ABAT: variants seen among roughly 807,000 people sequenced by gnomAD.
ABAT encodes 4-aminobutyrate aminotransferase.
ABAT carries 45 observed loss-of-function variants against 64.6 expected under a neutral mutation model. The ratio of observed to expected loss-of-function variants is 0.70; its 90% confidence interval spans 0.55 to 0.89. ABAT has a LOEUF of 0.89. ABAT is among the 40% of genes least tolerant of loss of function. ABAT has a pLI of 0.00. For missense variants in ABAT, 633 were observed against 658.4 expected, an observed-to-expected ratio of 0.96 and a Z score of 0.42; for synonymous variants, 297 against 250.5, an observed-to-expected ratio of 1.19 and a Z score of -1.75.
At chr16:8,750,388 C>T in intron 4 of ABAT, 34 bp from the exon 5 acceptor site, 1 of 1,542,436 alleles carries the variant, frequency 6.5e-7, no homozygotes, top group South Asian at 1.1e-5. Flanking sequence ...TAGGGAGTGG[C>T]AGTGAGCCTG....
intron 6 of ABAT, among the ~76,000 whole-genome samples, chr16:8,762,511 C>A (rs763860880): frequency 1.3e-5 from 2 of 152,214 alleles, no homozygotes; most frequent in African/African-American, 2.4e-5. Flanking sequence ...AGCCAATTAT[C>A]TTCATGCTGT....
chr16:8,685,686 C>CA (rs1310271628), intron 1 of ABAT, among the ~76,000 whole-genome samples: 5 of 151,428 alleles, frequency 3.3e-5, no homozygotes, highest in South Asian at 2.1e-4. Context: ...AAAACAAAAA[C>CA]AAAAAAACAA....
rs75530211 is a variant in ABAT, at chr16:8,719,072, G to A, written c.-41-16627G>A. 9.9e-5 allele frequency among the ~76,000 whole-genome samples: 15 copies of A among 152,260 alleles called. No homozygotes were observed. The East Asian group carries it at 1.2e-3, about 12-fold the overall frequency. On this transcript the variant is annotated intron_variant, in intron 1 of 15. Transcript: ENST00000268251. The stretch of plus-strand genomic sequence containing the variant: ...GAAGTGCGTTTCCTCCAATCACACC[G>A]ACCTGATTTGTTTGTTGCTTGTTGG...
In ABAT at chr16:8,784,197, T is replaced by C. The variant is rs2060497717; in HGVS notation, c.*2767T>C. The C allele has an allele frequency of 6.6e-6, 1 of 152,662 alleles. No homozygotes were observed. Among genetic ancestry groups the C allele is most frequent in the Non-Finnish European group, 1.5e-5 (1 of 68,040 alleles). The allele number at this position is 152,662 out of a possible 1,614,324, so 9.5% of individuals were successfully genotyped here. ...TAGAGTTTAGTAACCGTCCAGCAAG[T>C]GTCATCACTTTTACAGAAAACAAGG... On this transcript the variant is annotated 3_prime_UTR_variant, in exon 16 of 16. Transcript: ENST00000268251.
rs1284788670 is a variant in ABAT, at chr16:8,779,509, A to G, written c.1300A>G (p.Arg434Gly). ...ARYPQFISRV[R>G]GRGTFCSFDT... ...GTACCCCCAGTTCATCAGCAGGGTGAGAGGACGAGGCACCTTTTGCTCCTT... is the reference window on the plus strand; with the variant it reads ...GTACCCCCAGTTCATCAGCAGGGTGGGAGGACGAGGCACCTTTTGCTCCTT... Residue 434 changes from arginine to glycine, a missense_variant, in exon 15 of 16, where the codon AGA (arginine) becomes GGA (glycine). Coordinates refer to ENST00000268251, the MANE Select transcript of ABAT (RefSeq NM_020686.6). 1 of 1,614,070 alleles carries G rather than the reference A, an allele frequency of 6.2e-7. No individual in the cohort carries two copies. Among genetic ancestry groups the G allele is most frequent in the Non-Finnish European group, 8.5e-7 (1 of 1,180,048 alleles).
At position 8,776,804 on chromosome 16, in the gene ABAT, C is replaced by G. The variant is rs2060278529; in HGVS notation, c.1269+314C>G. Among the ~76,000 whole-genome samples, 2 of 152,186 alleles carry G rather than the reference C, an allele frequency of 1.3e-5. No homozygotes were observed. The highest frequency in any genetic ancestry group is 4.8e-5 in the African/African-American group (2 of 41,446). On this transcript the variant is annotated intron_variant, in intron 14 of 15. Transcript: ENST00000268251. This position sits in a 1 kb window ranked among gnomAD's most constrained non-coding sequence, Gnocchi z 4.4. ...CTGTTAGCCAGTCCGGCCTTGAACT[C>G]CTGGCCTCAAACGATCCTTCCACCT...
chr16:8,701,213 C>T (rs1168425616), intron 1 of ABAT, among the ~76,000 whole-genome samples: 1 of 152,206 alleles, frequency 6.6e-6, no homozygotes, highest in East Asian at 1.9e-4. Context: ...GGATTGTAGG[C>T]GTGAGCCACA....
chr16:8,683,059 AT>A (rs1368926144), intron 1 of ABAT, among the ~76,000 whole-genome samples: 1 of 152,236 alleles, frequency 6.6e-6, no homozygotes, highest in East Asian at 1.9e-4. Flanking sequence ...TCTTTCAGGC[AT>A]TACTGGCCAT....
intron 1 of ABAT, among the ~76,000 whole-genome samples, chr16:8,697,763 G>A (rs570626137): frequency 3.3e-5 from 5 of 152,184 alleles, no homozygotes; most frequent in African/African-American, 1.2e-4. Context: ...AGCCTCCTGA[G>A]TAGCTGGGAT....
intron 1 of ABAT, chr16:8,715,217 T>C (rs1033553947): frequency 2.0e-5 from 3 of 152,134 alleles, no homozygotes; most frequent in African/African-American, 7.2e-5. Flanking sequence ...CAATGTCTTT[T>C]AAAAGGCAAA....
At chr16:8,775,371 C>T (rs1322017069) in intron 13 of ABAT, among the ~76,000 whole-genome samples, 4 of 152,192 alleles carry the variant, frequency 2.6e-5, no homozygotes, top group Non-Finnish European at 5.9e-5. Flanking sequence ...TTCTCATATA[C>T]TTTTAATCCT....
chr16:8,762,313 T>C (rs1369359071), intron 6 of ABAT, among the ~76,000 whole-genome samples: 1 of 152,210 alleles, frequency 6.6e-6, no homozygotes, highest in Non-Finnish European at 1.5e-5. Context: ...TGCCATCCTA[T>C]GACCTCTGGG....
At position 8,692,018 on chromosome 16, in the gene ABAT, C is replaced by T. The variant is rs2057594904; in HGVS notation, c.-42+17307C>T. 2.0e-5 allele frequency among the ~76,000 whole-genome samples: 3 copies of T among 152,174 alleles called. No individual in the cohort carries two copies. The South Asian group carries it at 6.2e-4, about 31-fold the overall frequency. On this transcript the variant is annotated intron_variant, in intron 1 of 15. Transcript: ENST00000268251. ...GTTTTCAGTACCTTGTCCCTGGTGA[C>T]TGGTTCTTATCGGGCTTCTGAACTT...
intron 6 of ABAT, among the ~76,000 whole-genome samples, chr16:8,759,831 ACCACACCCAGTTGTATTTCT>A (rs2059745470): frequency 6.6e-6 from 1 of 152,338 alleles, no homozygotes; most frequent in South Asian, 2.1e-4. Context: ...GGCGTGAGCC[ACCACACCCAGTTGTATTTCT>A]CCAGTTCTTT....
intron 8 of ABAT, 131 bp from the exon 9 acceptor site, chr16:8,766,077 A>G (rs2059934047): frequency 2.4e-6 from 2 of 835,124 alleles, no homozygotes; most frequent in East Asian, 2.7e-5. Context: ...ACCTGCAACA[A>G]TTAATACATG....
intron 5 of ABAT, chr16:8,757,372 T>A: frequency 2.2e-5 from 8 of 357,798 alleles, no homozygotes; most frequent in South Asian, 1.8e-4. Context: ...TTCACCATGT[T>A]GGCCAGGCTG....
At chr16:8,730,940 GTTTA>G (rs935653165) in intron 1 of ABAT, among the ~76,000 whole-genome samples, 3 of 152,140 alleles carry the variant, frequency 2.0e-5, no homozygotes, top group Non-Finnish European at 4.4e-5. Flanking sequence ...CTCATTAATT[GTTTA>G]TTTATCAAGA....
At chr16:8,689,129 A>G (rs1221604653) in intron 1 of ABAT, among the ~76,000 whole-genome samples, 1 of 150,812 alleles carries the variant, frequency 6.6e-6, no homozygotes, top group Non-Finnish European at 1.5e-5. Flanking sequence ...TTCTTCTATT[A>G]TCTTCTGGAA....
chr16:8,710,719 A>AGG (rs1401739937), intron 1 of ABAT, among the ~76,000 whole-genome samples: 3,613 of 133,428 alleles, frequency 0.027, 96 homozygotes, highest in Middle Eastern at 0.056. Context: ...AGAGAGAGAG[A>AGG]GAGAGAGAGA....
Sources: gnomAD v4.1 joint callset for allele counts (sites outside exome capture counted in the v4.1 genomes callset) on GRCh38, gnomAD v4.1.1 for gene constraint, Gnocchi (gnomAD v3.1) non-coding constraint, MANE v1.5 for transcripts, NCBI Gene and HGNC (gene_info 2026-07-23, HGNC 2026-07-21) for gene names.